Variants in NKAIN3 observed in about 807,000 individuals in gnomAD.
NKAIN3 encodes the protein sodium/potassium transporting ATPase interacting 3, also known as sodium/potassium-transporting ATPase subunit beta-1-interacting protein 3.
NKAIN3 carries 25 observed loss-of-function variants against 30.2 expected under a neutral mutation model. That is an observed-to-expected ratio of 0.83 (90% CI 0.60 to 1.16). NKAIN3 has a LOEUF of 1.16. Among genes scored for constraint, NKAIN3 ranks in the 50% most tolerant of loss-of-function variants. The probability of loss-of-function intolerance (pLI) is 0.00; values close to 1 mark genes in which losing one functional copy is unlikely to be tolerated. For synonymous variants in NKAIN3, 91 were observed against 89.6 expected (o/e 1.02, Z -0.09); for missense variants, 225 against 254.1 (o/e 0.89, Z 0.78).
intron 3 of NKAIN3, among the ~76,000 whole-genome samples, chr8:62,648,798 T>C (rs1586047839): frequency 6.6e-6 from 1 of 152,320 alleles, no homozygotes; most frequent in African/African-American, 2.4e-5. Context: ...GGGTCCAGGC[T>C]GGTTGAGCCA....
chr8:62,300,961 C>T (rs112216100), intron 1 of NKAIN3, among the ~76,000 whole-genome samples: 56 of 152,096 alleles, frequency 3.7e-4, no homozygotes, highest in African/African-American at 1.3e-3. Flanking sequence ...ACAAAATATA[C>T]ATTATAATAG....
chr8:62,720,397 A>T (rs571724423), intron 3 of NKAIN3, among the ~76,000 whole-genome samples: 5 of 152,332 alleles, frequency 3.3e-5, no homozygotes, highest in Non-Finnish European at 2.9e-5. Flanking sequence ...AGCAGAATTC[A>T]TGGTCATGAG....
In NKAIN3 at chr8:62,913,437, A is replaced by G. The variant is rs571640038; in HGVS notation, c.472-5016A>G. On this transcript the variant is annotated intron_variant, in intron 4 of 6. Transcript: ENST00000623646. ...AAGACCACCATTATTTATGTGGTTC[A>G]TCACTGACGGAAATGCTGTTATGCG... 4.6e-5 allele frequency among the ~76,000 whole-genome samples: 7 copies of G among 152,312 alleles called. No homozygotes were observed. In the South Asian group the frequency reaches 1.2e-3, roughly 27 times the overall value.
At chr8:62,709,038 G>T (rs1414080829) in intron 3 of NKAIN3, among the ~76,000 whole-genome samples, 1 of 152,046 alleles carries the variant, frequency 6.6e-6, no homozygotes, top group African/African-American at 2.4e-5. Flanking sequence ...CAACTTGCAT[G>T]TGTTAAACCA....
intron 4 of NKAIN3, among the ~76,000 whole-genome samples, chr8:62,842,693 C>T (rs1819569120): frequency 6.6e-6 from 1 of 152,022 alleles, no homozygotes; most frequent in South Asian, 2.1e-4. Context: ...ACAGAAAGCT[C>T]AGTAATAAAC....
intron 1 of NKAIN3, among the ~76,000 whole-genome samples, chr8:62,577,359 C>A (rs1001721093): frequency 1.1e-4 from 17 of 151,684 alleles, no homozygotes; most frequent in African/African-American, 3.4e-4. Flanking sequence ...GAATGTTATC[C>A]ATGCATCTAC....
chr8:62,914,987 C>A (rs572634082), intron 4 of NKAIN3, among the ~76,000 whole-genome samples: 6 of 151,904 alleles, frequency 3.9e-5, no homozygotes, highest in Non-Finnish European at 7.4e-5. Flanking sequence ...GTGATGTTGC[C>A]CTCCCTGTCT....
intron 1 of NKAIN3, among the ~76,000 whole-genome samples, chr8:62,424,214 A>C (rs141677506): frequency 6.6e-6 from 1 of 152,050 alleles, no homozygotes. Flanking sequence ...TAAAACCACT[A>C]GAAGAAAATT....
chr8:62,650,607 T>C (rs1274926173), intron 3 of NKAIN3, among the ~76,000 whole-genome samples: 1 of 152,166 alleles, frequency 6.6e-6, no homozygotes, highest in African/African-American at 2.4e-5. Flanking sequence ...AGTAAGGCAA[T>C]AAAGATACAT....
intron 3 of NKAIN3, among the ~76,000 whole-genome samples, chr8:62,620,470 G>T (rs1268395956): frequency 6.6e-6 from 1 of 152,076 alleles, no homozygotes; most frequent in Non-Finnish European, 1.5e-5. Flanking sequence ...AACCTCATCA[G>T]TACAGAAGTA....
At chr8:62,304,405 C>T (rs966021617) in intron 1 of NKAIN3, among the ~76,000 whole-genome samples, 1 of 150,408 alleles carries the variant, frequency 6.6e-6, no homozygotes, top group Non-Finnish European at 1.5e-5. Flanking sequence ...TAGTCATCTA[C>T]ATGCTTTTTT....
intron 1 of NKAIN3, among the ~76,000 whole-genome samples, chr8:62,570,269 C>T (rs1809889214): frequency 6.6e-6 from 1 of 152,154 alleles, no homozygotes; most frequent in South Asian, 2.1e-4. Flanking sequence ...CTGAAGTTTT[C>T]ATAGCTCTTT....
At chr8:62,274,797 CAT>C (rs1812883209) in intron 1 of NKAIN3, among the ~76,000 whole-genome samples, 1 of 150,648 alleles carries the variant, frequency 6.6e-6, no homozygotes, top group Non-Finnish European at 1.5e-5. Context: ...TTCCTGTGTC[CAT>C]GTGTTCTCAT....
intron 1 of NKAIN3, among the ~76,000 whole-genome samples, chr8:62,376,389 C>T (rs939229474): frequency 6.6e-6 from 1 of 152,218 alleles, no homozygotes; most frequent in Non-Finnish European, 1.5e-5. Flanking sequence ...GGGCCCAGGC[C>T]TTACTTGTAC....
rs1207402210 is a variant in NKAIN3 at position 62,605,991 on chromosome 8, A to G, written c.273+16197A>G. Reference sequence around the variant, plus strand: ...GAAGAGGGAATTAAGAGCAAAGAACATTATAGCAAATAACATGCTGATCTT... The same window carrying G: ...GAAGAGGGAATTAAGAGCAAAGAACGTTATAGCAAATAACATGCTGATCTT... On this transcript the variant is annotated intron_variant, in intron 3 of 6. Transcript: ENST00000623646. Among the ~76,000 whole-genome samples the G allele has an allele frequency of 2.6e-5, 4 of 152,146 alleles. No individual in the cohort carries two copies. In the East Asian group the frequency reaches 7.7e-4, roughly 29 times the overall value.
intron 1 of NKAIN3, among the ~76,000 whole-genome samples, chr8:62,337,610 ACT>A (rs1248697544): frequency 2.0e-5 from 3 of 150,780 alleles, no homozygotes; most frequent in Non-Finnish European, 4.4e-5. Context: ...ACAGACACAC[ACT>A]CTCACACACA....
chr8:62,995,277 T>C (rs1804083914), intron 5 of NKAIN3, among the ~76,000 whole-genome samples: 1 of 152,196 alleles, frequency 6.6e-6, no homozygotes, highest in Non-Finnish European at 1.5e-5. Context: ...TGTTGCATGC[T>C]TAATGGTGAG....
chr8:62,907,383 G>T (rs1036131071), intron 4 of NKAIN3, among the ~76,000 whole-genome samples: 3 of 152,190 alleles, frequency 2.0e-5, no homozygotes, highest in Admixed American at 6.5e-5. Flanking sequence ...GGCTGATGAT[G>T]CAATTCAAAA....
At chr8:62,283,189 G>A (rs1412483788) in intron 1 of NKAIN3, among the ~76,000 whole-genome samples, 4 of 152,144 alleles carry the variant, frequency 2.6e-5, no homozygotes, top group Non-Finnish European at 5.9e-5. Flanking sequence ...AACGAGTCCA[G>A]TTGTATTTGA....
Sources: allele counts gnomAD v4.1 joint callset (sites outside exome capture counted in the v4.1 genomes callset), GRCh38; gene constraint gnomAD v4.1.1; transcripts MANE v1.5; gene names NCBI Gene and HGNC (gene_info 2026-07-23, HGNC 2026-07-21).